The following DOCK5 variants were observed in gnomAD, a reference collection of about 807,000 sequenced individuals.
The protein encoded by DOCK5 is dedicator of cytokinesis 5.
In DOCK5, 142 loss-of-function variants were observed where a neutral mutation model predicts 251.8. The observed-to-expected ratio is 0.56, with a 90% confidence interval of 0.49 to 0.65. The LOEUF (loss-of-function observed/expected upper bound fraction) is 0.65. Ranked by LOEUF, DOCK5 falls within the 30% of genes least tolerant of loss-of-function variation. DOCK5 has a pLI of 0.00. For missense variants in DOCK5, 2,111 were observed against 2,312.3 expected (o/e 0.91, Z 1.79); for synonymous variants, 842 against 835.5 (o/e 1.01, Z -0.13).
chr8:25,338,330 C>T (rs888853330), intron 22 of DOCK5, among the ~76,000 whole-genome samples: 4 of 152,100 alleles, frequency 2.6e-5, no homozygotes, highest in African/African-American at 7.2e-5. Flanking sequence ...CGTGAGCCAC[C>T]GTGCCTGGTC....
At chr8:25,248,740 C>T (rs1803187542) in intron 2 of DOCK5, among the ~76,000 whole-genome samples, 1 of 152,180 alleles carries the variant, frequency 6.6e-6, no homozygotes. Flanking sequence ...CCTCCTTCAT[C>T]TGCAGAGCCT....
chr8:25,263,765 T>C (rs530874591), intron 2 of DOCK5, among the ~76,000 whole-genome samples: 1 of 151,882 alleles, frequency 6.6e-6, no homozygotes, highest in African/African-American at 2.4e-5. Flanking sequence ...TGACATGCCA[T>C]GCCAGTCTGG....
chr8:25,223,768 C>T (rs529721614), intron 1 of DOCK5, among the ~76,000 whole-genome samples: 2 of 152,276 alleles, frequency 1.3e-5, no homozygotes, highest in East Asian at 3.9e-4. Context: ...GATTTGGGCC[C>T]TTTTGGGTAG....
intron 2 of DOCK5, among the ~76,000 whole-genome samples, chr8:25,263,604 G>A (rs1049690332): frequency 2.6e-5 from 4 of 151,664 alleles, no homozygotes; most frequent in African/African-American, 9.8e-5. Flanking sequence ...TGTCTCCCAT[G>A]GGAACACCCC....
intron 2 of DOCK5, among the ~76,000 whole-genome samples, chr8:25,248,120 A>G (rs956105562): frequency 6.6e-6 from 1 of 152,204 alleles, no homozygotes; most frequent in Non-Finnish European, 1.5e-5. Context: ...TCAGCTTGAC[A>G]GAGAGATTAC....
chr8:25,299,237 G>A (rs1302059880), intron 8 of DOCK5, 136 bp downstream of exon 8: 2 of 1,041,622 alleles, frequency 1.9e-6, no homozygotes, highest in African/African-American at 3.3e-5. Context: ...GCAGTAGAAT[G>A]TAAAATCATA....
intron 13 of DOCK5, among the ~76,000 whole-genome samples, chr8:25,313,158 C>T (rs562338414): frequency 5.1e-4 from 77 of 152,294 alleles, no homozygotes; most frequent in African/African-American, 1.8e-3. Context: ...ACCACGTGAA[C>T]TCGTTCCAGT....
At chr8:25,346,268 C>A (rs895932137) in intron 26 of DOCK5, among the ~76,000 whole-genome samples, 2 of 151,272 alleles carry the variant, frequency 1.3e-5, no homozygotes, top group African/African-American at 4.9e-5. Context: ...TCAAGACTGA[C>A]CAGCCTGGGC....
chr8:25,319,631 A>G lies in DOCK5; in HGVS notation c.1497A>G (p.Val499=). 1 of 1,592,080 alleles carries G rather than the reference A, an allele frequency of 6.3e-7. No homozygotes were observed. The highest frequency in any genetic ancestry group is 8.6e-7 in the Non-Finnish European group (1 of 1,169,120). The change falls in exon 15 of 52, where the codon GTA becomes GTG. Residue 499 remains valine, a synonymous_variant. Transcript: ENST00000276440. The part of the protein sequence containing the change: ...GYEGISEYKS[V]VYYQVKQPCW... Reference sequence around the variant, plus strand: ...AAGGCATTTCAGAATACAAATCAGTAGTCTATTACCAAGTCAAGCAGCCCT... The same window carrying G: ...AAGGCATTTCAGAATACAAATCAGTGGTCTATTACCAAGTCAAGCAGCCCT...
At chr8:25,381,642 AT>A in intron 39 of DOCK5, among the ~76,000 whole-genome samples, 1 of 152,092 alleles carries the variant, frequency 6.6e-6, no homozygotes, top group Admixed American at 6.6e-5. Flanking sequence ...AAAAAAAAAA[AT>A]TTCATCAACT....
rs562160174 is a variant in DOCK5 at position 25,234,755 on chromosome 8, G to T, written c.44-8919G>T. Among the ~76,000 whole-genome samples the T allele has an allele frequency of 2.0e-5, 3 of 152,252 alleles. No individual in the cohort carries two copies. In the South Asian group the frequency reaches 6.2e-4, roughly 32 times the overall value. On this transcript the variant is annotated intron_variant, in intron 1 of 51. Coordinates refer to ENST00000276440, the MANE Select transcript of DOCK5 (RefSeq NM_024940.8). ...TGGTGAATGTATTAAAATACTCCCC[G>T]CACCTGGTGCTGTTTCTTAAAGGAG...
intron 14 of DOCK5, among the ~76,000 whole-genome samples, chr8:25,317,653 C>T (rs181557815): frequency 1.4e-3 from 211 of 152,290 alleles, no homozygotes; most frequent in Non-Finnish European, 2.3e-3. Flanking sequence ...CTCTGTCGCC[C>T]AGGCTGGAGT....
intron 41 of DOCK5, among the ~76,000 whole-genome samples, chr8:25,389,985 G>GAAAA (rs5890226): frequency 1.4e-5 from 2 of 144,684 alleles, no homozygotes; most frequent in Non-Finnish European, 1.5e-5. Context: ...ATGTCTGACC[G>GAAAA]AAAAAAAAAA....
rs1050780214 is a variant in DOCK5, at chr8:25,397,083, G to T, written c.4704+1364G>T. Among the ~76,000 whole-genome samples, 7 of 152,132 alleles carry T rather than the reference G, an allele frequency of 4.6e-5. No homozygotes were observed. The South Asian group carries it at 1.2e-3, about 27-fold the overall frequency. ...AAAAACATAAAAAAATCAGCTGGGC[G>T]TGATGGCGGGTGCCTGTAATCTCAG... On this transcript the variant is annotated intron_variant, in intron 45 of 51. Transcript: ENST00000276440.
intron 16 of DOCK5, 79 bp from the exon 17 acceptor site, chr8:25,323,769 C>A: frequency 6.7e-7 from 1 of 1,502,372 alleles, no homozygotes; most frequent in Non-Finnish European, 9.1e-7. Flanking sequence ...CACCCCCGAG[C>A]AAAATGTGAA....
At chr8:25,209,258 A>G (rs1185918729) in intron 1 of DOCK5, among the ~76,000 whole-genome samples, 1 of 72,906 alleles carries the variant, frequency 1.4e-5, no homozygotes, top group African/African-American at 3.1e-5. Flanking sequence ...AAAGTCATGC[A>G]TGGCGGGTCT....
intron 2 of DOCK5, among the ~76,000 whole-genome samples, chr8:25,256,567 A>G (rs1803424590): frequency 6.6e-6 from 1 of 151,426 alleles, no homozygotes; most frequent in African/African-American, 2.4e-5. Flanking sequence ...TGAACCTGGG[A>G]AGGAGAGGTT....
chr8:25,196,304 G>A (rs1176579069), intron 1 of DOCK5, among the ~76,000 whole-genome samples: 1 of 152,136 alleles, frequency 6.6e-6, no homozygotes, highest in Non-Finnish European at 1.5e-5. Flanking sequence ...GTCATTGGTT[G>A]GTGCTGTGTT....
chr8:25,217,813 GT>G (rs1447370805), intron 1 of DOCK5, among the ~76,000 whole-genome samples: 3 of 152,154 alleles, frequency 2.0e-5, no homozygotes, highest in African/African-American at 7.2e-5. Flanking sequence ...TTCTCTTTCA[GT>G]ATTTCTGGTT....
Sources: allele counts gnomAD v4.1 joint callset (sites outside exome capture counted in the v4.1 genomes callset), GRCh38; gene constraint gnomAD v4.1.1; transcripts MANE v1.5; gene names NCBI Gene and HGNC (gene_info 2026-07-23, HGNC 2026-07-21).